TENM3: variants seen among roughly 807,000 people sequenced by gnomAD.
TENM3 encodes teneurin-3.
A neutral mutation model predicts 255.1 loss-of-function variants in TENM3; 63 were observed. That is an observed-to-expected ratio of 0.25 (90% CI 0.20 to 0.30). The LOEUF is 0.30. Ranked by LOEUF, TENM3 falls within the 10% of genes least tolerant of loss-of-function variation. The probability of loss-of-function intolerance (pLI) is 1.00; values close to 1 mark genes in which losing one functional copy is unlikely to be tolerated. For missense variants in TENM3, 2,929 were observed against 3,461.1 expected, an observed-to-expected ratio of 0.85 and a Z score of 3.86; for synonymous variants, 1,306 against 1,322.3, an observed-to-expected ratio of 0.99 and a Z score of 0.27.
chr4:182,271,506 A>G (rs1283079331), intron 1 of TENM3, among the ~76,000 whole-genome samples: 1 of 152,204 alleles, frequency 6.6e-6, no homozygotes, highest in African/African-American at 2.4e-5. Context: ...TTCTTGTCAC[A>G]GAAGAAGGGG....
intron 12 of TENM3, among the ~76,000 whole-genome samples, chr4:182,701,210 C>CTTTTTGTTTTTTTTTTTTTTTT: frequency 2.6e-5 from 1 of 38,668 alleles, no homozygotes; most frequent in Non-Finnish European, 4.3e-5. Context: ...CAACTCTTGA[C>CTTTTTGTTTTTTTTTTTTTTTT]TTTTTTTTTT....
At chr4:181,905,881 T>A in the TENM3 span, 2 of 498,696 alleles carry the variant, frequency 4.0e-6, no homozygotes, top group Non-Finnish European at 7.6e-6. Flanking sequence ...CAGCCTTTCC[T>A]CTTCTTCATA....
the TENM3 span, among the ~76,000 whole-genome samples, chr4:182,045,896 A>G: frequency 0.16 from 23,764 of 152,110 alleles, 1,919 homozygotes; most frequent in African/African-American, 0.19. Context: ...AAAAAATTTA[A>G]AAGTAACCAG....
rs551169731 is a variant in TENM3 at position 182,264,964 on chromosome 4, A to AT, written c.-76+21498dup. Among the ~76,000 whole-genome samples the AT allele has an allele frequency of 2.8e-3, 400 of 145,058 alleles. 4 individuals carry two copies. The highest frequency in any genetic ancestry group is 7.1e-3 in the African/African-American group (281 of 39,564). On this transcript the variant is annotated intron_variant, in intron 1 of 27. Coordinates refer to ENST00000511685, the MANE Select transcript of TENM3 (RefSeq NM_001080477.4). ...TTAGTCGACTGAATTATTTTTCTCC[A>AT]TTTTTTTTTTGTCTTGTCACTCTTA...
the TENM3 span, among the ~76,000 whole-genome samples, chr4:181,968,710 C>T: frequency 6.6e-6 from 1 of 152,156 alleles, no homozygotes; most frequent in African/African-American, 2.4e-5. Context: ...AATAAAGTCT[C>T]AGTTATACAA....
At chr4:182,618,941 G>A (rs973502622) in intron 4 of TENM3, among the ~76,000 whole-genome samples, 9 of 143,004 alleles carry the variant, frequency 6.3e-5, no homozygotes, top group East Asian at 2.0e-4. Context: ...TTGACTACTC[G>A]GGGGTGGGGG....
chr4:182,687,892 G>A (rs1015144804), intron 11 of TENM3, among the ~76,000 whole-genome samples: 1 of 152,056 alleles, frequency 6.6e-6, no homozygotes, highest in East Asian at 1.9e-4. Context: ...TATATGTAAA[G>A]AAATTATTTC....
intron 3 of TENM3, among the ~76,000 whole-genome samples, chr4:182,434,152 TA>T (rs1390869887): frequency 2.0e-5 from 3 of 148,250 alleles, no homozygotes; most frequent in African/African-American, 5.0e-5. Context: ...TCAGAAGAAG[TA>T]AAAAGAAAAC....
At chr4:182,797,161 C>T (rs1256088687) in intron 27 of TENM3, among the ~76,000 whole-genome samples, 3 of 152,098 alleles carry the variant, frequency 2.0e-5, no homozygotes, top group Admixed American at 6.5e-5. Context: ...GTGTTTTGGC[C>T]GAGTGAGGGG....
chr4:182,602,273 G>A (rs917807150), intron 4 of TENM3, among the ~76,000 whole-genome samples: 4 of 152,320 alleles, frequency 2.6e-5, no homozygotes, highest in African/African-American at 9.6e-5. Context: ...GAGAAAAAGA[G>A]TTATCACCAT....
chr4:181,935,967 A>G, the TENM3 span, among the ~76,000 whole-genome samples: 2 of 152,260 alleles, frequency 1.3e-5, no homozygotes, highest in African/African-American at 4.8e-5. Context: ...ATAAATCTTC[A>G]TATCCTTGTT....
At chr4:181,724,944 G>A in the TENM3 span, among the ~76,000 whole-genome samples, 1 of 152,208 alleles carries the variant, frequency 6.6e-6, no homozygotes, top group Non-Finnish European at 1.5e-5. Context: ...GGGAAGGAAA[G>A]AGGTGTTCTC....
the TENM3 span, among the ~76,000 whole-genome samples, chr4:181,986,625 G>T: frequency 6.6e-6 from 1 of 151,878 alleles, no homozygotes; most frequent in African/African-American, 2.4e-5. Flanking sequence ...TTCTCATCTG[G>T]CTCCAAGCAC....
the TENM3 span, among the ~76,000 whole-genome samples, chr4:181,601,211 G>C: frequency 2.0e-5 from 3 of 152,236 alleles, no homozygotes; most frequent in East Asian, 5.8e-4. Flanking sequence ...AGTTCTGAAG[G>C]CCAGCTGTCT....
intron 3 of TENM3, among the ~76,000 whole-genome samples, chr4:182,475,786 G>C (rs754211624): frequency 6.6e-6 from 1 of 152,106 alleles, no homozygotes; most frequent in Non-Finnish European, 1.5e-5. Context: ...TTTAATGTCT[G>C]TCTGTATTGA....
chr4:182,692,582 C>T (rs1020336243), intron 12 of TENM3, among the ~76,000 whole-genome samples: 1 of 152,196 alleles, frequency 6.6e-6, no homozygotes, highest in Non-Finnish European at 1.5e-5. Flanking sequence ...GGCAAGTTGT[C>T]TTCTGGAGGC....
At position 182,528,077 on chromosome 4, in the gene TENM3, T is replaced by G. The variant is rs151222492; in HGVS notation, c.512-72847T>G. Among the ~76,000 whole-genome samples, 349 of 152,334 alleles carry G rather than the reference T, an allele frequency of 2.3e-3. 2 individuals carry two copies. In the South Asian group the frequency reaches 0.026, roughly 11 times the overall value. On this transcript the variant is annotated intron_variant, in intron 3 of 27. Transcript: ENST00000511685. ...TCCAACCCTAATATTCTTGTGTTCT[T>G]ATGTTGAAAATGAATCTTGAAAACT...
At chr4:181,836,970 C>A in the TENM3 span, among the ~76,000 whole-genome samples, 1 of 127,998 alleles carries the variant, frequency 7.8e-6, no homozygotes, top group Non-Finnish European at 1.7e-5. Context: ...CAGTCTTGCT[C>A]ACATTTTATT....
intron 2 of TENM3, among the ~76,000 whole-genome samples, chr4:182,330,483 C>T (rs1763677988): frequency 6.6e-6 from 1 of 152,156 alleles, no homozygotes; most frequent in South Asian, 2.1e-4. Flanking sequence ...GGTCTTATGT[C>T]CTGCTTCAGG....
Sources: allele counts gnomAD v4.1 joint callset (sites outside exome capture counted in the v4.1 genomes callset), GRCh38; gene constraint gnomAD v4.1.1; transcripts MANE v1.5; gene names NCBI Gene and HGNC (gene_info 2026-07-23, HGNC 2026-07-21).